Variants in HECA observed in about 807,000 individuals in gnomAD.
HECA encodes HECA ribonucleoprotein granule regulator, also known as headcase protein homolog.
HECA carries 13 observed loss-of-function variants against 37.6 expected under a neutral mutation model. That is an observed-to-expected ratio of 0.35 (90% confidence interval 0.23 to 0.55). The LOEUF is 0.55. HECA is among the 20% of genes least tolerant of loss of function. HECA has a pLI of 0.90. For missense variants in HECA, 527 were observed against 701.9 expected (o/e 0.75, Z 2.82); for synonymous variants, 307 against 291.5 (o/e 1.05, Z -0.54).
At chr6:139,143,386 T>C (rs1774540194) in intron 1 of HECA, among the ~76,000 whole-genome samples, 1 of 152,198 alleles carries the variant, frequency 6.6e-6, no homozygotes, top group Admixed American at 6.5e-5. Context: ...GAGACATTAA[T>C]GTGGAAAAAG....
intron 1 of HECA, among the ~76,000 whole-genome samples, chr6:139,153,424 A>ATTT (rs778574916): frequency 2.1e-5 from 3 of 143,608 alleles, no homozygotes; most frequent in Non-Finnish European, 4.6e-5. Context: ...AAATAATGTA[A>ATTT]TTTTTTTTTT....
chr6:139,145,530 C>A (rs1006011090), intron 1 of HECA, among the ~76,000 whole-genome samples: 5 of 152,264 alleles, frequency 3.3e-5, no homozygotes, highest in Admixed American at 2.0e-4. Context: ...CTCATATATA[C>A]ACGTAATATA....
intron 1 of HECA, 24 bp from the exon 2 acceptor site, chr6:139,166,260 G>A: frequency 1.9e-6 from 3 of 1,556,494 alleles, no homozygotes; most frequent in Non-Finnish European, 2.6e-6. Flanking sequence ...TCTGAAATCT[G>A]TTCTCTCTTT....
intron 1 of HECA, among the ~76,000 whole-genome samples, chr6:139,154,876 A>G (rs1292898835): frequency 6.6e-6 from 1 of 152,266 alleles, no homozygotes; most frequent in Non-Finnish European, 1.5e-5. Flanking sequence ...ATTAATATGG[A>G]TAATCAAAAT....
At chr6:139,155,305 C>T (rs745457072) in intron 1 of HECA, among the ~76,000 whole-genome samples, 2 of 152,186 alleles carry the variant, frequency 1.3e-5, no homozygotes, top group Non-Finnish European at 2.9e-5. Context: ...GCCACTTACA[C>T]ATGAAAGGAG....
rs1003747073 is a variant in HECA, at chr6:139,154,445, T to G, written c.272-11839T>G. 5.9e-5 allele frequency among the ~76,000 whole-genome samples: 9 copies of G among 152,232 alleles called. 1 individual carries two copies. Among genetic ancestry groups the G allele is most frequent in the Non-Finnish European group, 1.3e-4 (9 of 68,042 alleles). ...GCAGGCCAAACTGCCCCATTGGAAC[T>G]CTGATCTAGGGGATATATAGACATC... On this transcript the variant is annotated intron_variant, in intron 1 of 3. Transcript: ENST00000367658.
chr6:139,142,991 A>T (rs1041145887), intron 1 of HECA, among the ~76,000 whole-genome samples: 1 of 152,184 alleles, frequency 6.6e-6, no homozygotes, highest in Non-Finnish European at 1.5e-5. Context: ...GTAACTGGTG[A>T]TAGAGTTAGT....
chr6:139,153,304 C>T (rs1233116498), intron 1 of HECA: 1 of 152,080 alleles, frequency 6.6e-6, no homozygotes, highest in African/African-American at 2.4e-5. Context: ...TTTCTAAAGA[C>T]TTAAATAGAT....
intron 1 of HECA, among the ~76,000 whole-genome samples, chr6:139,142,166 T>C (rs1006967217): frequency 2.6e-5 from 4 of 152,052 alleles, no homozygotes; most frequent in African/African-American, 9.7e-5. Flanking sequence ...GACCTTGTGA[T>C]CCACTCGCCT....
At chr6:139,161,864 C>T (rs1774808856) in intron 1 of HECA, among the ~76,000 whole-genome samples, 1 of 152,140 alleles carries the variant, frequency 6.6e-6, no homozygotes, top group African/African-American at 2.4e-5. Flanking sequence ...AATAATTGAC[C>T]AATTAACATT....
At position 139,167,038 on chromosome 6, in the gene HECA, G is replaced by T; in HGVS notation, c.1026G>T (p.Gln342His). Residue 342 changes from glutamine to histidine, a missense_variant, in exon 2 of 4, where the codon CAG becomes CAT. Transcript: ENST00000367658. ...GGGGACACTTCGACACCCCCGTGCA[G>T]TTCCTTCGGCGGCTGGACCTCTCCG... ...HRGGHFDTPV[Q>H]FLRRLDLSEL... 1.2e-6 allele frequency: 2 copies of T among 1,614,210 alleles called. No homozygotes were observed. The highest frequency in any genetic ancestry group is 1.7e-6 in the Non-Finnish European group (2 of 1,180,028).
chr6:139,145,716 T>C (rs1455687308), intron 1 of HECA, among the ~76,000 whole-genome samples: 2 of 152,120 alleles, frequency 1.3e-5, no homozygotes, highest in African/African-American at 4.8e-5. Flanking sequence ...TGTATGTTAT[T>C]TTAATAGGGG....
Position 139,167,009 on chromosome 6 carries a change from A to AGG in HECA, c.1003_1004dup (p.His336AspfsTer27), listed in dbSNP as rs771658394. 1 of 1,614,116 alleles carries AGG rather than the reference A, an allele frequency of 6.2e-7. No individual in the cohort carries two copies. Among genetic ancestry groups the AGG allele is most frequent in the Admixed American group, 1.7e-5 (1 of 60,022 alleles). On this transcript the variant is annotated frameshift_variant, in exon 2 of 4. Coordinates refer to ENST00000367658, the MANE Select transcript of HECA (RefSeq NM_016217.3). LOFTEE classifies it high-confidence loss of function. ...CAGCCCTGCGGGGTTGGCAGTTCACAGGGGGGGACACTTCGACACCCCCGT... is the reference window on the plus strand; with the variant it reads ...CAGCCCTGCGGGGTTGGCAGTTCACAGGGGGGGGGACACTTCGACACCCCCGT...
In HECA at chr6:139,166,479, A is replaced by G. The variant is rs757396831; in HGVS notation, c.467A>G (p.Glu156Gly). 2.5e-6 allele frequency: 4 copies of G among 1,614,052 alleles called. No homozygotes were observed. ...NCIGRARSWN[E>G]KQCRQNMWTK... ...ATCGGCCGCGCGCGCAGCTGGAACGAGAAGCAATGCCGCCAGAACATGTGG... is the reference window on the plus strand; with the variant it reads ...ATCGGCCGCGCGCGCAGCTGGAACGGGAAGCAATGCCGCCAGAACATGTGG... The change falls in exon 2 of 4, where the codon GAG (glutamate) becomes GGG (glycine). Residue 156 changes from glutamate to glycine, a missense_variant. Around this residue, in one of 4 missense-constraint regions of HECA, gnomAD observed 21 missense variants for 51.2 expected, o/e 0.41. Coordinates refer to ENST00000367658, the MANE Select transcript of HECA (RefSeq NM_016217.3).
At chr6:139,172,347 A>G (rs571181480) in intron 2 of HECA, among the ~76,000 whole-genome samples, 12 of 152,314 alleles carry the variant, frequency 7.9e-5, no homozygotes, top group African/African-American at 2.9e-4. Context: ...TGCGGGGCTG[A>G]CATGCTGCTG....
chr6:139,159,611 C>T (rs1774768145), intron 1 of HECA, among the ~76,000 whole-genome samples: 1 of 152,160 alleles, frequency 6.6e-6, no homozygotes, highest in African/African-American at 2.4e-5. Flanking sequence ...GCTGCCTCCC[C>T]AGCAGCTGGG....
At chr6:139,158,273 C>T (rs1361426119) in intron 1 of HECA, among the ~76,000 whole-genome samples, 6 of 151,546 alleles carry the variant, frequency 4.0e-5, no homozygotes, top group Admixed American at 6.6e-5. Flanking sequence ...GAGGCCGAGG[C>T]GGGCAGATCA....
Position 139,166,752 on chromosome 6 carries a change from G to T in HECA, c.740G>T (p.Arg247Leu), listed in dbSNP as rs767312064. 14 of 1,613,552 alleles carry T rather than the reference G, an allele frequency of 8.7e-6. No homozygotes were observed. Among genetic ancestry groups the T allele is most frequent in the Non-Finnish European group, 1.1e-5 (13 of 1,179,870 alleles). ...CTCCCCCGCCGGCATTCCATGGACC[G>T]GCAGAACTCCCAGGAGAAGGCAGTG... ...HDLPRRHSMDRQNSQEKAVGA... is the reference protein window; with the variant it reads ...HDLPRRHSMDLQNSQEKAVGA... Residue 247 changes from arginine to leucine, a missense_variant, in exon 2 of 4, where the codon CGG becomes CTG. By Grantham distance (102) the Arg-to-Leu change is moderately radical. Coordinates refer to ENST00000367658, the MANE Select transcript of HECA (RefSeq NM_016217.3).
rs1024931332 is a variant in HECA, at chr6:139,179,560, A to G, written c.*2455A>G. The G allele has an allele frequency of 2.6e-5, 4 of 152,248 alleles. No individual in the cohort carries two copies. Among genetic ancestry groups the G allele is most frequent in the South Asian group, 2.1e-4 (1 of 4,836 alleles). The allele number at this position is 152,248 out of a possible 1,614,324, so 9.4% of individuals were successfully genotyped here. A position where few individuals can be genotyped will look rare whatever the true frequency, so the allele number is the denominator to read the frequency against. On this transcript the variant is annotated 3_prime_UTR_variant, in exon 4 of 4. Transcript: ENST00000367658. ...GTGGATGTTACTTAAAGAGAAAAGC[A>G]TAAGAGCATGAAGCATATCTGGGAA...
Sources: gnomAD v4.1 joint callset for allele counts (sites outside exome capture counted in the v4.1 genomes callset) on GRCh38, gnomAD v4.1.1 for gene constraint, gnomAD v4.1.1 regional missense constraint, MANE v1.5 for transcripts, NCBI Gene and HGNC (gene_info 2026-07-23, HGNC 2026-07-21) for gene names.